Variants in GEMIN5 observed in about 807,000 individuals in gnomAD.
GEMIN5 encodes gem-associated protein 5.
In GEMIN5, 124 loss-of-function variants were observed where a neutral mutation model predicts 176.9. That is an observed-to-expected ratio of 0.70 (90% CI 0.61 to 0.81). The LOEUF is 0.81. Among genes scored for constraint, GEMIN5 ranks in the 40% least tolerant of loss-of-function variants. GEMIN5 has a pLI of 0.00. For synonymous variants in GEMIN5, 673 were observed against 665.2 expected (o/e 1.01, Z -0.18); for missense variants, 1,843 against 1,814.6 (o/e 1.02, Z -0.28).
chr5:154,910,295 A>G (rs183157662), intron 15 of GEMIN5, among the ~76,000 whole-genome samples: 1 of 152,002 alleles, frequency 6.6e-6, no homozygotes, highest in East Asian at 1.9e-4. Flanking sequence ...GTTGTTTAAT[A>G]TATTCTTTCA....
In GEMIN5 at chr5:154,907,762, T is replaced by A. The variant is rs756404522; in HGVS notation, c.2224A>T (p.Lys742Ter). The change falls in exon 16 of 28, where the codon AAA becomes TAA. Residue 742 changes from lysine (K) to a stop codon, truncating the protein, a stop_gained. Coordinates refer to ENST00000285873, the MANE Select transcript of GEMIN5 (RefSeq NM_015465.5). LOFTEE classifies it high-confidence loss of function. ...KRLSQPKAKP[K>*]KKKKPTLRTP... Reference sequence around the variant, plus strand: ...CTCAAGGTGGGCTTTTTCTTCTTTTTGGGCTTTGCCTTAGGTTGAGAGAGC... The same window carrying A: ...CTCAAGGTGGGCTTTTTCTTCTTTTAGGGCTTTGCCTTAGGTTGAGAGAGC... The A allele has an allele frequency of 1.9e-6, 3 of 1,614,102 alleles. No individual in the cohort carries two copies. In the Admixed American group the frequency reaches 5.0e-5, roughly 27 times the overall value.
At chr5:154,919,431 G>T (rs1394099041) in intron 11 of GEMIN5, among the ~76,000 whole-genome samples, 1 of 152,154 alleles carries the variant, frequency 6.6e-6, no homozygotes, top group Non-Finnish European at 1.5e-5. Context: ...GAACACAAAT[G>T]TAATTAAATG....
chr5:154,896,378 A>T (rs1260981127), intron 23 of GEMIN5, 35 bp from the exon 24 acceptor site: 1 of 1,530,588 alleles, frequency 6.5e-7, no homozygotes, highest in Non-Finnish European at 8.7e-7. Context: ...GAACTGTTAT[A>T]CAGGGAAAGC....
In GEMIN5 at chr5:154,891,272, C is replaced by T; in HGVS notation, c.4231G>A (p.Glu1411Lys). 6.2e-7 allele frequency: 1 copy of T among 1,613,934 alleles called. No individual in the cohort carries two copies. The highest frequency in any genetic ancestry group is 1.1e-5 in the South Asian group (1 of 91,066). The change falls in exon 26 of 28, where the codon GAG becomes AAG. Residue 1411 changes from glutamate to lysine, a missense_variant. Coordinates refer to ENST00000285873, the MANE Select transcript of GEMIN5 (RefSeq NM_015465.5). ...CTCTGAGAACTGCAGAGGGGCTGCT[C>T]TGCTTCTACTTCCGGTTCATTCTTA... Reference protein sequence around the residue: ...PDKNEPEVEAEQPLCSSQSQC... With the variant: ...PDKNEPEVEAKQPLCSSQSQC...
chr5:154,924,123 C>T (rs1763979830), intron 9 of GEMIN5, among the ~76,000 whole-genome samples: 1 of 152,152 alleles, frequency 6.6e-6, no homozygotes, highest in African/African-American at 2.4e-5. Flanking sequence ...AGACTCGGAA[C>T]TCTGGTGTGT....
In GEMIN5 at chr5:154,896,205, C is replaced by T; in HGVS notation, c.3484G>A (p.Ala1162Thr). The change falls in exon 24 of 28, where the codon GCA becomes ACA. Residue 1162 changes from alanine to threonine, a missense_variant. Ala to Thr is a moderately conservative substitution (Grantham distance 58). Transcript: ENST00000285873. ...TEGPFVERVT[A>T]VWKSIFSLDT... ...AGGCTGAAGATGCTCTTCCACACTG[C>T]AGTCACCCTCTCCACGAAAGGCCCT... is the stretch of plus-strand genomic sequence containing the variant. 4 of 1,613,980 alleles carry T rather than the reference C, an allele frequency of 2.5e-6. No individual in the cohort carries two copies. The South Asian group carries it at 3.3e-5, about 13-fold the overall frequency.
chr5:154,918,596 C>G (rs1763858981), intron 11 of GEMIN5, among the ~76,000 whole-genome samples: 1 of 152,088 alleles, frequency 6.6e-6, no homozygotes, highest in African/African-American at 2.4e-5. Context: ...TTAGAAGAGA[C>G]TTAGGAACAC....
At chr5:154,916,499 TC>T (rs1362944354) in intron 13 of GEMIN5, among the ~76,000 whole-genome samples, 1 of 152,124 alleles carries the variant, frequency 6.6e-6, no homozygotes, top group Non-Finnish European at 1.5e-5. Context: ...TTTTTTTCTT[TC>T]TTTTTTGAGA....
intron 23 of GEMIN5, 132 bp from the exon 24 acceptor site, chr5:154,896,475 G>T: frequency 1.2e-6 from 1 of 822,114 alleles, no homozygotes; most frequent in Non-Finnish European, 1.8e-6. Flanking sequence ...TGAGCTACCT[G>T]CCCCATATGA....
Position 154,899,237 on chromosome 5 carries a change from C to G in GEMIN5, c.3088G>C (p.Gly1030Arg), listed in dbSNP as rs1268042283. ...TGGCCATCTCTTTCTAGGACGGTTC[C>G]CCAGCTGAGGTACAAGTCCTTCAGG... ...PVLKDLYLSW[G>R]TVLERDGHYA... The change falls in exon 22 of 28, where the codon GGA (glycine) becomes CGA (arginine). Residue 1030 changes from glycine to arginine, a missense_variant. Transcript: ENST00000285873. 6.2e-7 allele frequency: 1 copy of G among 1,613,508 alleles called. No homozygotes were observed. The highest frequency in any genetic ancestry group is 8.5e-7 in the Non-Finnish European group (1 of 1,179,706).
chr5:154,892,463 A>G lies in GEMIN5; in HGVS notation c.3684T>C (p.Leu1228=). ...ASWDEAVQAL[L]RAVVRSYDSG... ...AGTCATAGCTCCGGACCACCGCCCG[A>G]AGGAGCGCCTGCACAGCCTCGTCCC... Residue 1228 remains leucine, a synonymous_variant, in exon 25 of 28, where the codon CTT becomes CTC. Coordinates refer to ENST00000285873, the MANE Select transcript of GEMIN5 (RefSeq NM_015465.5). 1.2e-6 allele frequency: 2 copies of G among 1,614,206 alleles called. No homozygotes were observed.
intron 21 of GEMIN5, among the ~76,000 whole-genome samples, chr5:154,899,666 G>T (rs1049562011): frequency 6.6e-6 from 1 of 152,046 alleles, no homozygotes; most frequent in South Asian, 2.1e-4. Context: ...TGCCAAAGCA[G>T]TGATTGGGAA....
chr5:154,898,716 T>C (rs915709795), intron 22 of GEMIN5, 66 bp from the exon 23 acceptor site: 1 of 1,265,922 alleles, frequency 7.9e-7, no homozygotes, highest in Admixed American at 1.8e-5. Flanking sequence ...TCCTAGAGGA[T>C]GGAATCATTT....
At chr5:154,916,037 G>A (rs1211002167) in intron 13 of GEMIN5, among the ~76,000 whole-genome samples, 6 of 152,020 alleles carry the variant, frequency 3.9e-5, no homozygotes, top group Non-Finnish European at 5.9e-5. Flanking sequence ...GGAATGAACA[G>A]GTAACTGTTT....
chr5:154,932,296 A>AGAAGAAAAAAGAAGAAGAAGAAGAAG, intron 3 of GEMIN5, 46 bp from the exon 4 acceptor site: 1 of 1,414,200 alleles, frequency 7.1e-7, no homozygotes, highest in Non-Finnish European at 9.9e-7. Context: ...TGAAGACAGA[A>AGAAGAAAAAAGAAGAAGAAGAAGAAG]CAGAGTCTCT....
intron 18 of GEMIN5, 96 bp from the exon 19 acceptor site, chr5:154,903,271 C>A: frequency 1.3e-6 from 1 of 764,672 alleles, no homozygotes; most frequent in Non-Finnish European, 2.2e-6. Flanking sequence ...GGAACACCCA[C>A]TTCAGACACT....
chr5:154,915,162 G>C (rs986013557), intron 13 of GEMIN5, among the ~76,000 whole-genome samples: 1 of 151,970 alleles, frequency 6.6e-6, no homozygotes, highest in Non-Finnish European at 1.5e-5. Flanking sequence ...TTTATTACTA[G>C]GAAAACACAT....
intron 13 of GEMIN5, among the ~76,000 whole-genome samples, chr5:154,915,380 A>C (rs1442125608): frequency 6.6e-6 from 1 of 152,172 alleles, no homozygotes; most frequent in African/African-American, 2.4e-5. Flanking sequence ...TAATTTCTTC[A>C]TATTAGGAAA....
At chr5:154,891,936 G>A (rs1307124609) in intron 25 of GEMIN5, among the ~76,000 whole-genome samples, 194 bp from the exon 26 acceptor site, 1 of 152,082 alleles carries the variant, frequency 6.6e-6, no homozygotes, top group Non-Finnish European at 1.5e-5. Context: ...GCTTGCGACA[G>A]TGTTCTCATT....
Sources: gnomAD v4.1 joint callset for allele counts (sites outside exome capture counted in the v4.1 genomes callset) on GRCh38, gnomAD v4.1.1 for gene constraint, MANE v1.5 for transcripts, NCBI Gene and HGNC (gene_info 2026-07-23, HGNC 2026-07-21) for gene names.